Variants in TLN2 observed in about 807,000 individuals in gnomAD.
TLN2 encodes talin-2.
Under a neutral mutation model 294.7 loss-of-function variants are expected in TLN2, and 118 were observed. The observed-to-expected ratio is 0.40, with a 90% CI of 0.34 to 0.47. The LOEUF is 0.47. Among genes scored for constraint, TLN2 ranks in the 20% least tolerant of loss-of-function variants. TLN2 has a pLI of 0.84. For synonymous variants in TLN2, 1,431 were observed against 1,304.5 expected (o/e 1.10, Z -2.09); for missense variants, 3,083 against 3,282.2 (o/e 0.94, Z 1.48).
At chr15:62,541,875 G>A (rs1300571059) in intron 1 of TLN2, among the ~76,000 whole-genome samples, 1 of 151,838 alleles carries the variant, frequency 6.6e-6, no homozygotes, top group African/African-American at 2.4e-5. Context: ...GACTATCAGT[G>A]ACTGTCAGCC....
At chr15:62,700,603 C>T (rs945786114) in intron 16 of TLN2, among the ~76,000 whole-genome samples, 1 of 152,190 alleles carries the variant, frequency 6.6e-6, no homozygotes, top group African/African-American at 2.4e-5. Flanking sequence ...TTACCGTCTA[C>T]ATGAGCATGG....
chr15:62,767,708 GA>G (rs2063103760), intron 41 of TLN2, among the ~76,000 whole-genome samples: 1 of 152,256 alleles, frequency 6.6e-6, no homozygotes. Flanking sequence ...TCTGTCTGAA[GA>G]GGTTTGCAGG....
At chr15:62,788,641 T>A (rs1016106951) in intron 45 of TLN2, among the ~76,000 whole-genome samples, 1 of 152,210 alleles carries the variant, frequency 6.6e-6, no homozygotes, top group African/African-American at 2.4e-5. Flanking sequence ...GTCGCTAGTA[T>A]GCGAGCCACT....
intron 2 of TLN2, among the ~76,000 whole-genome samples, chr15:62,616,109 C>G (rs953423532): frequency 2.0e-5 from 3 of 152,056 alleles, no homozygotes; most frequent in African/African-American, 7.2e-5. Flanking sequence ...TTGTCATTTT[C>G]TGTAAAAATA....
At chr15:62,664,978 A>T (rs1464119551) in intron 9 of TLN2, among the ~76,000 whole-genome samples, 1 of 143,474 alleles carries the variant, frequency 7.0e-6, no homozygotes, top group Non-Finnish European at 1.5e-5. Flanking sequence ...AGATATGACA[A>T]CATGTCAATA....
intron 45 of TLN2, 55 bp downstream of exon 45, chr15:62,783,945 C>G: frequency 6.2e-7 from 1 of 1,605,462 alleles, no homozygotes. Context: ...GGTGCCCACT[C>G]CTGGGTATTT....
At chr15:62,826,768 A>G (rs2068244067) in intron 54 of TLN2, among the ~76,000 whole-genome samples, 1 of 152,226 alleles carries the variant, frequency 6.6e-6, no homozygotes, top group South Asian at 2.1e-4. Flanking sequence ...TCCAACTGGC[A>G]GGAAAATGCC....
At chr15:62,556,935 A>C (rs563479373) in intron 1 of TLN2, among the ~76,000 whole-genome samples, 2 of 152,334 alleles carry the variant, frequency 1.3e-5, no homozygotes, top group East Asian at 3.9e-4. Flanking sequence ...GAAAATATTT[A>C]AGTCATTTTT....
chr15:62,456,370 C>T (rs955439703), intron 1 of TLN2, among the ~76,000 whole-genome samples: 5 of 152,200 alleles, frequency 3.3e-5, no homozygotes, highest in East Asian at 1.9e-4. Flanking sequence ...CTCAGCCGCA[C>T]GGAAGGTGGA....
chr15:62,597,070 A>G (rs546879842), intron 2 of TLN2, among the ~76,000 whole-genome samples: 1 of 152,238 alleles, frequency 6.6e-6, no homozygotes, highest in East Asian at 1.9e-4. Context: ...GCCTCCCTAA[A>G]GCTGATTCTT....
chr15:62,659,016 G>A (rs1320189), intron 9 of TLN2, among the ~76,000 whole-genome samples: 7,191 of 152,224 alleles, frequency 0.047, 233 homozygotes, highest in Middle Eastern at 0.082. Context: ...GAAATAAAAC[G>A]TTTACCTATT....
At chr15:62,695,077 T>C (rs2058230029) in intron 14 of TLN2, among the ~76,000 whole-genome samples, 1 of 152,216 alleles carries the variant, frequency 6.6e-6, no homozygotes, top group Non-Finnish European at 1.5e-5. Context: ...TCATGATCAT[T>C]GTTTTAAATT....
intron 24 of TLN2, among the ~76,000 whole-genome samples, chr15:62,718,670 G>C (rs772515911): frequency 6.6e-6 from 1 of 152,212 alleles, no homozygotes; most frequent in Non-Finnish European, 1.5e-5. Flanking sequence ...TAGAGAAGGA[G>C]TCTTGCTGAG....
Position 62,647,416 on chromosome 15 carries a change from G to A in TLN2, c.106G>A (p.Glu36Lys). The change falls in exon 4 of 59, where the codon GAA becomes AAA. Residue 36 changes from glutamate (E) to lysine (K), a missense_variant. Glu to Lys is a moderately conservative substitution (Grantham distance 56). Transcript: ENST00000636159. The stretch of plus-strand genomic sequence containing the variant: ...GTACGATGCGTGTCGAGTCATTCGG[G>A]AACGGGTGCCTGAGGCACAAACTGG... ...AVYDACRVIR[E>K]RVPEAQTGQA... 1 of 1,614,224 alleles carries A rather than the reference G, an allele frequency of 6.2e-7. No individual in the cohort carries two copies. The highest frequency in any genetic ancestry group is 8.5e-7 in the Non-Finnish European group (1 of 1,180,038).
intron 1 of TLN2, among the ~76,000 whole-genome samples, chr15:62,463,610 G>A: frequency 6.6e-6 from 1 of 152,176 alleles, no homozygotes; most frequent in East Asian, 1.9e-4. Context: ...AAACAGGCCG[G>A]CGCGGTGCCT....
At chr15:62,652,204 C>T (rs769642566) in intron 6 of TLN2, 70 bp downstream of exon 6, 88 of 1,419,132 alleles carry the variant, frequency 6.2e-5, no homozygotes, top group Non-Finnish European at 7.5e-5. Context: ...CTTTTTTCCA[C>T]CTGCATTTGA....
At chr15:62,783,741 G>T in intron 44 of TLN2, 30 bp from the exon 45 acceptor site, 1 of 1,556,248 alleles carries the variant, frequency 6.4e-7, no homozygotes, top group African/African-American at 1.4e-5. Context: ...GTGTGTGTGT[G>T]TGTGTGTCTT....
intron 3 of TLN2, among the ~76,000 whole-genome samples, chr15:62,632,647 A>G (rs2050019549): frequency 6.6e-6 from 1 of 152,204 alleles, no homozygotes; most frequent in African/African-American, 2.4e-5. Context: ...CCCTGAAGTA[A>G]TCAGCACAGT....
intron 32 of TLN2, among the ~76,000 whole-genome samples, 180 bp downstream of exon 32, chr15:62,740,949 T>C (rs1308142985): frequency 6.6e-6 from 1 of 152,226 alleles, no homozygotes; most frequent in Non-Finnish European, 1.5e-5. Context: ...CTCATTTCCA[T>C]GTTCTTTCCC....
Sources: allele counts gnomAD v4.1 joint callset (sites outside exome capture counted in the v4.1 genomes callset), GRCh38; gene constraint gnomAD v4.1.1; transcripts MANE v1.5; gene names NCBI Gene and HGNC (gene_info 2026-07-23, HGNC 2026-07-21).